The following MMRN1 variants were observed in gnomAD, a reference collection of about 807,000 sequenced individuals.
MMRN1 encodes multimerin-1.
MMRN1 carries 94 observed loss-of-function variants against 100.7 expected under a neutral mutation model. That is an observed-to-expected ratio of 0.93 (90% CI 0.79 to 1.11). The LOEUF (loss-of-function observed/expected upper bound fraction) is 1.11, where lower values mean the gene tolerates loss of function less well. Ranked by LOEUF, MMRN1 falls within the 50% of genes least tolerant of loss-of-function variation. The pLI is 0.00. For synonymous variants in MMRN1, 575 were observed against 505.0 expected, an observed-to-expected ratio of 1.14 and a Z score of -1.86; for missense variants, 1,606 against 1,439.1, an observed-to-expected ratio of 1.12 and a Z score of -1.88.
At position 89,896,346 on chromosome 4, in the gene MMRN1, AT is replaced by A. The variant is rs1193086045; in HGVS notation, c.623+756del. On this transcript the variant is annotated intron_variant, in intron 1 of 7. Coordinates refer to ENST00000264790, the MANE Select transcript of MMRN1 (RefSeq NM_007351.3). ...ATCAGAAAACTTATTTTTCAAATTA[AT>A]TTTAATTTAAAGTTAGAGCAATTTG... Among the ~76,000 whole-genome samples the A allele has an allele frequency of 3.3e-5, 5 of 152,292 alleles. No homozygotes were observed. The South Asian group carries it at 6.2e-4, about 19-fold the overall frequency.
At position 89,948,724 on chromosome 4, in the gene MMRN1, G is replaced by A. The variant is rs543371597; in HGVS notation, c.3119-2881G>A. Among the ~76,000 whole-genome samples the A allele has an allele frequency of 2.6e-5, 4 of 152,292 alleles. No individual in the cohort carries two copies. In the South Asian group the frequency reaches 8.3e-4, roughly 32 times the overall value. On this transcript the variant is annotated intron_variant, in intron 6 of 7. Coordinates refer to ENST00000264790, the MANE Select transcript of MMRN1 (RefSeq NM_007351.3). Reference sequence around the variant, plus strand: ...GACATGATTTTATATTTTAAAATGTGATTATTTTGGCAGAGACTTGGAAAG... The same window carrying A: ...GACATGATTTTATATTTTAAAATGTAATTATTTTGGCAGAGACTTGGAAAG...
At chr4:89,941,135 T>A (rs1722808508) in intron 6 of MMRN1, among the ~76,000 whole-genome samples, 1 of 152,210 alleles carries the variant, frequency 6.6e-6, no homozygotes, top group Non-Finnish European at 1.5e-5. Flanking sequence ...ACTAATAGGT[T>A]ATCTTCTGTA....
At chr4:89,893,223 G>T (rs1721094231), upstream of MMRN1, among the ~76,000 whole-genome samples, 1 of 151,974 alleles carries the variant, frequency 6.6e-6, no homozygotes, top group Admixed American at 6.6e-5. Flanking sequence ...TTTGTGGATT[G>T]TTCTGTGGTA....
intron 3 of MMRN1, among the ~76,000 whole-genome samples, chr4:89,921,368 AG>A (rs1269477170): frequency 2.0e-5 from 3 of 152,166 alleles, no homozygotes; most frequent in African/African-American, 7.2e-5. Flanking sequence ...TGCTGATTAA[AG>A]GACCCCAGTC....
chr4:89,881,473 G>A (rs1720813428), intron 1 of MMRN1, among the ~76,000 whole-genome samples: 2 of 151,926 alleles, frequency 1.3e-5, no homozygotes, highest in Non-Finnish European at 2.9e-5. Flanking sequence ...AACTGTAAAA[G>A]CAGGTGTTCT....
Position 89,953,200 on chromosome 4 carries a change from C to T in MMRN1, c.3469C>T (p.His1157Tyr). The change falls in exon 8 of 8, where the codon CAT becomes TAT. Residue 1157 changes from histidine (H) to tyrosine (Y), a missense_variant. Physicochemically the swap from His to Tyr is moderately conservative, Grantham distance 83 (BLOSUM62 2). Coordinates refer to ENST00000264790, the MANE Select transcript of MMRN1 (RefSeq NM_007351.3). ...GTACACCATCGAGTCATTTAGTGCTCATATTTCTGGATTTTTAGTGGTTGA... is the reference window on the plus strand; with the variant it reads ...GTACACCATCGAGTCATTTAGTGCTTATATTTCTGGATTTTTAGTGGTTGA... ...FKYTIESFSA[H>Y]ISGFLVVDGI... 1 of 1,613,726 alleles carries T rather than the reference C, an allele frequency of 6.2e-7. No individual in the cohort carries two copies. Among genetic ancestry groups the T allele is most frequent in the South Asian group, 1.1e-5 (1 of 91,066 alleles).
At chr4:89,949,001 GA>G (rs1321436866) in intron 6 of MMRN1, among the ~76,000 whole-genome samples, 2 of 152,076 alleles carry the variant, frequency 1.3e-5, no homozygotes, top group South Asian at 2.1e-4. Flanking sequence ...AAAGAAATTG[GA>G]AAATGGGGTA....
upstream of MMRN1, among the ~76,000 whole-genome samples, chr4:89,891,320 A>T (rs1481136465): frequency 6.6e-6 from 1 of 151,966 alleles, no homozygotes; most frequent in Non-Finnish European, 1.5e-5. Context: ...AGCCCTCTTC[A>T]ACCCATTTGT....
At chr4:89,889,793 A>T (rs761060761) in intron 1 of MMRN1, among the ~76,000 whole-genome samples, 2 of 152,110 alleles carry the variant, frequency 1.3e-5, no homozygotes, top group Non-Finnish European at 2.9e-5. Context: ...AGAGAGGATG[A>T]TTAAAACACT....
intron 1 of MMRN1, among the ~76,000 whole-genome samples, chr4:89,905,983 G>A (rs1249774855): frequency 6.6e-6 from 1 of 151,450 alleles, no homozygotes; most frequent in African/African-American, 2.4e-5. Flanking sequence ...ACTGAATAAT[G>A]TTAGTTCTTA....
At position 89,895,525 on chromosome 4, in the gene MMRN1, G is replaced by GC. The variant is rs1721174231; in HGVS notation, c.556dup (p.Arg186ProfsTer3). On this transcript the variant is annotated frameshift_variant, in exon 1 of 8. Transcript: ENST00000264790. LOFTEE classifies it high-confidence loss of function. Reference sequence around the variant, plus strand: ...CGAGCCCCACGGGAAACATACCTCAGCCGGGGTGACAGCAGTTCCAGCCAA... The same window carrying GC: ...CGAGCCCCACGGGAAACATACCTCAGCCCGGGGTGACAGCAGTTCCAGCCAA... The GC allele has an allele frequency of 6.2e-7, 1 of 1,613,800 alleles. No individual in the cohort carries two copies. Among genetic ancestry groups the GC allele is most frequent in the Non-Finnish European group, 8.5e-7 (1 of 1,179,890 alleles).
chr4:89,914,495 GA>G (rs992419766), intron 3 of MMRN1, among the ~76,000 whole-genome samples: 6 of 151,298 alleles, frequency 4.0e-5, no homozygotes, highest in Non-Finnish European at 8.9e-5. Flanking sequence ...TTATCAAAAG[GA>G]AACCAATTTT....
At chr4:89,928,102 T>A (rs770420067) in intron 5 of MMRN1, 134 bp downstream of exon 5, 1 of 625,706 alleles carries the variant, frequency 1.6e-6, no homozygotes, top group East Asian at 3.1e-5. Context: ...TTTTTTTTAA[T>A]GAGATATAAA....
upstream of MMRN1, among the ~76,000 whole-genome samples, chr4:89,893,785 C>T (rs1489417839): frequency 6.8e-6 from 1 of 146,874 alleles, no homozygotes; most frequent in Non-Finnish European, 1.5e-5. Context: ...TTCATGAATA[C>T]ATAAATAAAT....
chr4:89,898,674 T>C (rs959766891), intron 1 of MMRN1, among the ~76,000 whole-genome samples: 3 of 151,990 alleles, frequency 2.0e-5, no homozygotes, highest in African/African-American at 7.2e-5. Flanking sequence ...CAATATGTGC[T>C]GTTTGTTAAA....
intron 3 of MMRN1, among the ~76,000 whole-genome samples, chr4:89,916,139 A>G (rs1442445041): frequency 6.6e-6 from 1 of 150,628 alleles, no homozygotes; most frequent in African/African-American, 2.5e-5. Context: ...ATTGGGATGA[A>G]TGCAAGTACT....
At chr4:89,923,824 A>G (rs1034502702) in intron 4 of MMRN1, among the ~76,000 whole-genome samples, 1 of 152,154 alleles carries the variant, frequency 6.6e-6, no homozygotes, top group Admixed American at 6.6e-5. Flanking sequence ...TTACAAACAT[A>G]AGGTTGGTTA....
intron 5 of MMRN1, among the ~76,000 whole-genome samples, chr4:89,930,556 A>C (rs1380439136): frequency 6.6e-6 from 1 of 152,070 alleles, no homozygotes; most frequent in African/African-American, 2.4e-5. Flanking sequence ...AATCTTGAAA[A>C]ACTGTAAGAT....
At chr4:89,929,381 T>C (rs1259043218) in intron 5 of MMRN1, among the ~76,000 whole-genome samples, 2 of 152,128 alleles carry the variant, frequency 1.3e-5, no homozygotes, top group Non-Finnish European at 2.9e-5. Flanking sequence ...ATATAAATAA[T>C]TGCTGCTACT....
Sources: gnomAD v4.1 joint callset for allele counts (sites outside exome capture counted in the v4.1 genomes callset) on GRCh38, gnomAD v4.1.1 for gene constraint, MANE v1.5 for transcripts, NCBI Gene and HGNC (gene_info 2026-07-23, HGNC 2026-07-21) for gene names.